GK: variants seen among roughly 807,000 people sequenced by gnomAD.
GK encodes the protein glycerol kinase, also known as ATP:glycerol 3-phosphotransferase.
In GK, 9 loss-of-function variants were observed where a neutral mutation model predicts 56.4. The observed-to-expected ratio is 0.16, with a 90% CI of 0.10 to 0.28. The LOEUF (loss-of-function observed/expected upper bound fraction) is 0.28. Among genes scored for constraint, GK ranks in the 10% least tolerant of loss-of-function variants. GK has a pLI of 1.00. For missense variants in GK, 161 were observed against 431.4 expected, an observed-to-expected ratio of 0.37 and a Z score of 5.55; for synonymous variants, 104 against 144.1, an observed-to-expected ratio of 0.72 and a Z score of 1.99.
At chrX:30,659,999 T>G (rs769648013) in intron 1 of GK, among the ~76,000 whole-genome samples, 8 of 111,909 alleles carry the variant, frequency 7.1e-5, no homozygotes, top group African/African-American at 1.9e-4. Context: ...TCCACCCACC[T>G]CGGCCTTCCA....
chrX:30,701,014 T>C, intron 11 of GK, 109 bp downstream of exon 11: 1 of 540,248 alleles, frequency 1.9e-6, no homozygotes, highest in Non-Finnish European at 3.4e-6. Context: ...ATCAATAGCT[T>C]AATAGCTCCA....
Position 30,677,470 on chromosome X carries a change from G to T in GK, c.337+18G>T. The stretch of plus-strand genomic sequence containing the variant: ...TGCTGTGGGTAAGCTGTCATGCATG[G>T]ATGTCAAATGTAGGGCCTTTCTTCA... On this transcript the variant is annotated intron_variant, in intron 4 of 20. Coordinates refer to ENST00000427190, the MANE Select transcript of GK (RefSeq NM_001205019.2). The T allele has an allele frequency of 1.1e-6, 1 of 894,039 alleles. No homozygotes were observed. Among genetic ancestry groups the T allele is most frequent in the South Asian group, 2.0e-5 (1 of 50,805 alleles). The allele number at this position is 894,039 out of a possible 1,213,427, so 73.7% of individuals were successfully genotyped here.
rs1166568503 is a variant in GK at position 30,727,525 on chromosome X, A to C, written c.1642A>C (p.Met548Leu). 8.5e-7 allele frequency: 1 copy of C among 1,181,596 alleles called. No individual in the cohort carries two copies. The highest frequency in any genetic ancestry group is 1.8e-5 in the African/African-American group (1 of 57,053). Reference sequence around the variant, plus strand: ...CTTTTTTATAGTGAGTAGCATGGTAATGTTAATCGGAGCAAGGTACATCTC... The same window carrying C: ...CTTTTTTATAGTGAGTAGCATGGTACTGTTAATCGGAGCAAGGTACATCTC... Reference protein sequence around the residue: ...LGFFIVSSMVMLIGARYISGI... With the variant: ...LGFFIVSSMVLLIGARYISGI... Residue 548 changes from methionine (M) to leucine (L), a missense_variant, in exon 20 of 21, where the codon ATG becomes CTG. By Grantham distance (15) the Met-to-Leu change is conservative. Transcript: ENST00000427190.
chrX:30,664,702 C>CTTTTTT (rs35313243), intron 1 of GK, among the ~76,000 whole-genome samples: 3 of 57,675 alleles, frequency 5.2e-5, no homozygotes, highest in African/African-American at 6.8e-5. Flanking sequence ...ACTCTATTGC[C>CTTTTTT]TTTTTTTTTT....
At chrX:30,699,247 TTATATATACATGTTATGTATAACATG>T (rs1200480956) in intron 9 of GK, among the ~76,000 whole-genome samples, 2 of 99,147 alleles carry the variant, frequency 2.0e-5, no homozygotes, top group East Asian at 6.2e-4. Context: ...GTATAACATG[TTATATATACATGTTATGTATAACATG>T]TATATATACA....
chrX:30,712,866 A>C (rs927932915), intron 13 of GK, among the ~76,000 whole-genome samples: 1 of 107,993 alleles, frequency 9.3e-6, no homozygotes, highest in African/African-American at 3.4e-5. Context: ...CTGGGACTAC[A>C]GATGCCCACC....
intron 3 of GK, among the ~76,000 whole-genome samples, chrX:30,670,387 A>G (rs1204330060): frequency 2.7e-5 from 3 of 111,271 alleles, no homozygotes; most frequent in East Asian, 5.6e-4. Context: ...TGTGAAGATG[A>G]CACACAACTC....
Position 30,673,235 on chromosome X carries a change from C to T in GK, c.260-4140C>T, listed in dbSNP as rs73632539. On this transcript the variant is annotated intron_variant, in intron 3 of 20. Transcript: ENST00000427190. The stretch of plus-strand genomic sequence containing the variant: ...GAAGCTGGTAAATGCAAGAGCAATA[C>T]GATATATGATAATGGTTATGATGTC... Among the ~76,000 whole-genome samples, 465 of 111,730 alleles carry T rather than the reference C, an allele frequency of 4.2e-3. 1 individual carries two copies. The highest frequency in any genetic ancestry group is 0.014 in the African/African-American group (438 of 30,802).
chrX:30,665,425 G>T, intron 1 of GK, 86 bp from the exon 2 acceptor site: 1 of 586,796 alleles, frequency 1.7e-6, no homozygotes, highest in South Asian at 2.4e-5. Flanking sequence ...TTCTACCAGT[G>T]AACAAGAACT....
intron 13 of GK, among the ~76,000 whole-genome samples, chrX:30,714,017 C>T (rs1441660707): frequency 9.0e-6 from 1 of 111,730 alleles, no homozygotes; most frequent in Non-Finnish European, 1.9e-5. Flanking sequence ...ATACCGAATC[C>T]TATGTTAGGC....
rs371103817 is a variant in GK, at chrX:30,708,032, CTTT to C, written c.895-14_895-12del. On this transcript the variant is annotated intron_variant, in intron 12 of 20. Transcript: ENST00000427190. ...TCTTTTCATTTTCCACTACTGAAAT[CTTT>C]TTTTTTTCTTTCTTACAGTGTGTAT... 1.1e-6 allele frequency: 1 copy of C among 898,838 alleles called. No homozygotes were observed. The highest frequency in any genetic ancestry group is 1.6e-6 in the Non-Finnish European group (1 of 638,852). The allele number at this position is 898,838 out of a possible 1,213,427, so 74.1% of individuals were successfully genotyped here. A position where few individuals can be genotyped will look rare whatever the true frequency, so the allele number is the denominator to read the frequency against.
intron 4 of GK, among the ~76,000 whole-genome samples, chrX:30,690,093 A>C (rs1157038901): frequency 2.7e-5 from 3 of 112,015 alleles, no homozygotes; most frequent in Non-Finnish European, 5.6e-5. Context: ...ACAGGAAATA[A>C]CTGCTTTTTA....
At chrX:30,699,135 T>C (rs963571840) in intron 9 of GK, among the ~76,000 whole-genome samples, 3 of 103,676 alleles carry the variant, frequency 2.9e-5, no homozygotes, top group African/African-American at 6.9e-5. Context: ...AAGCTTTAGT[T>C]TGGTGCTCAT....
chrX:30,691,293 A>C, intron 5 of GK, 94 bp downstream of exon 5: 1 of 504,067 alleles, frequency 2.0e-6, no homozygotes. Context: ...ATGGTACAAT[A>C]GTTATTTGAT....
At chrX:30,662,641 T>C (rs1343967803) in intron 1 of GK, among the ~76,000 whole-genome samples, 1 of 111,635 alleles carries the variant, frequency 9.0e-6, no homozygotes, top group Non-Finnish European at 1.9e-5. Flanking sequence ...ATTGAGGTTT[T>C]TATGAATTCA....
intron 1 of GK, 128 bp downstream of exon 1, chrX:30,653,743 G>A: frequency 1.6e-6 from 1 of 621,653 alleles, no homozygotes; most frequent in Non-Finnish European, 2.6e-6. Flanking sequence ...CAAGGAGGGA[G>A]GCCGGAACGG....
chrX:30,696,024 T>G lies in GK; in HGVS notation c.553-18T>G. On this transcript the variant is annotated intron_variant, in intron 6 of 20. Transcript: ENST00000427190. ...GCCAATAAGTACAAATTTAACCTGA[T>G]TTTTTTACTCTGCCTAGAGTTTGAC... The G allele has an allele frequency of 1.1e-6, 1 of 905,113 alleles. No individual in the cohort carries two copies. Among genetic ancestry groups the G allele is most frequent in the Non-Finnish European group, 1.6e-6 (1 of 617,185 alleles). 74.6% of individuals were successfully genotyped at this position (905,113 alleles called of 1,213,427 possible).
At chrX:30,694,289 T>C (rs1230420141) in intron 5 of GK, 111 bp from the exon 6 acceptor site, 1 of 653,748 alleles carries the variant, frequency 1.5e-6, no homozygotes, top group African/African-American at 2.2e-5. Context: ...ACTATGGGAT[T>C]GCCTTCAGGG....
chrX:30,663,747 C>T (rs1932857902), intron 1 of GK, among the ~76,000 whole-genome samples: 1 of 108,122 alleles, frequency 9.2e-6, no homozygotes, highest in South Asian at 3.8e-4. Flanking sequence ...TAATTTTCTC[C>T]CACAGGAAAC....
Sources: gnomAD v4.1 joint callset for allele counts (sites outside exome capture counted in the v4.1 genomes callset) on GRCh38, gnomAD v4.1.1 for gene constraint, MANE v1.5 for transcripts, NCBI Gene and HGNC (gene_info 2026-07-23, HGNC 2026-07-21) for gene names.